The following ACOT11 variants were observed in gnomAD, a reference collection of about 807,000 sequenced individuals.
ACOT11 encodes the protein acyl-CoA thioesterase 11.
In ACOT11, 69 loss-of-function variants were observed where a neutral mutation model predicts 77.5. That is an observed-to-expected ratio of 0.89 (90% CI 0.73 to 1.09). The LOEUF is 1.09. ACOT11 is among the 50% of genes least tolerant of loss of function. The probability of loss-of-function intolerance (pLI) is 0.00; values close to 1 mark genes in which losing one functional copy is unlikely to be tolerated. For synonymous variants in ACOT11, 279 were observed against 313.0 expected (o/e 0.89, Z 1.15); for missense variants, 766 against 813.7 (o/e 0.94, Z 0.71).
intron 15 of ACOT11, among the ~76,000 whole-genome samples, chr1:54,630,478 C>G (rs1005036330): frequency 6.6e-6 from 1 of 152,220 alleles, no homozygotes; most frequent in Non-Finnish European, 1.5e-5. Context: ...CATTCTTAAG[C>G]CACAAACAAA....
intron 1 of ACOT11, among the ~76,000 whole-genome samples, chr1:54,554,515 GC>G (rs1352695384): frequency 7.7e-6 from 1 of 130,638 alleles, no homozygotes; most frequent in East Asian, 2.2e-4. Flanking sequence ...ACTGTGCCCA[GC>G]TAATTTTTTT....
At chr1:54,563,277 G>A (rs1280886227) in intron 1 of ACOT11, among the ~76,000 whole-genome samples, 1 of 152,242 alleles carries the variant, frequency 6.6e-6, no homozygotes, top group African/African-American at 2.4e-5. Flanking sequence ...GTCAGCCACT[G>A]CACCCAGCTT....
At chr1:54,581,936 C>A (rs187510378) in intron 1 of ACOT11, among the ~76,000 whole-genome samples, 2 of 152,260 alleles carry the variant, frequency 1.3e-5, no homozygotes, top group East Asian at 1.9e-4. Context: ...TGCCTTGGAG[C>A]CCAAGGAAGG....
At chr1:54,565,005 T>C (rs78078784) in intron 1 of ACOT11, among the ~76,000 whole-genome samples, 17,077 of 152,148 alleles carry the variant, frequency 0.11, 1,137 homozygotes, top group East Asian at 0.19. Context: ...GAGGGGCCCT[T>C]TCTGAAGAGA....
chr1:54,562,551 C>T (rs1198094941), intron 1 of ACOT11, among the ~76,000 whole-genome samples: 1 of 141,048 alleles, frequency 7.1e-6, no homozygotes, highest in African/African-American at 2.6e-5. Context: ...GCTGACCCAC[C>T]CCCCACCTCC....
chr1:54,600,182 C>T (rs962427377), intron 8 of ACOT11, among the ~76,000 whole-genome samples: 5 of 152,162 alleles, frequency 3.3e-5, no homozygotes, highest in East Asian at 1.9e-4. Context: ...GACTTGCACA[C>T]GTTCTGCCAC....
chr1:54,574,744 C>CT (rs1654045498), intron 1 of ACOT11, among the ~76,000 whole-genome samples: 1 of 152,192 alleles, frequency 6.6e-6, no homozygotes, highest in Admixed American at 6.5e-5. Flanking sequence ...CAAGAACCCA[C>CT]TGTCCACCAG....
chr1:54,608,092 GC>G (rs1644052581), intron 15 of ACOT11, 24 bp downstream of exon 15: 2 of 1,598,060 alleles, frequency 1.3e-6, no homozygotes, highest in East Asian at 2.3e-5. Context: ...CCCCAACCAC[GC>G]CCCCAGCCTG....
chr1:54,616,906 A>G (rs913250345), intron 15 of ACOT11, among the ~76,000 whole-genome samples: 3 of 152,062 alleles, frequency 2.0e-5, no homozygotes, highest in Non-Finnish European at 4.4e-5. Flanking sequence ...TAGTCTTGCT[A>G]TGTTGCCCTG....
At chr1:54,600,442 G>T (rs1643947948) in intron 8 of ACOT11, among the ~76,000 whole-genome samples, 1 of 152,230 alleles carries the variant, frequency 6.6e-6, no homozygotes, top group African/African-American at 2.4e-5. Flanking sequence ...CAGCACTTTG[G>T]GAGGCCGAGG....
intron 1 of ACOT11, among the ~76,000 whole-genome samples, chr1:54,559,274 A>G (rs1476681231): frequency 1.3e-5 from 2 of 152,096 alleles, no homozygotes; most frequent in African/African-American, 4.8e-5. Context: ...CTGACAGTGT[A>G]GATTCAGGGC....
chr1:54,604,988 T>C (rs1194381178), intron 12 of ACOT11, 88 bp from the exon 13 acceptor site: 2 of 1,413,760 alleles, frequency 1.4e-6, no homozygotes, highest in Non-Finnish European at 1.9e-6. Flanking sequence ...AAGTCAGCTG[T>C]AGCCCTGAGC....
intron 1 of ACOT11, among the ~76,000 whole-genome samples, chr1:54,556,558 C>A (rs979132258): frequency 6.6e-6 from 1 of 151,842 alleles, no homozygotes; most frequent in East Asian, 1.9e-4. Flanking sequence ...CAATTTCTTT[C>A]ATTAATGATT....
intron 1 of ACOT11, among the ~76,000 whole-genome samples, chr1:54,581,617 G>A (rs1052824074): frequency 6.6e-6 from 1 of 152,140 alleles, no homozygotes; most frequent in Non-Finnish European, 1.5e-5. Context: ...CAGGGCCTGG[G>A]GCCAGCACTT....
intron 5 of ACOT11, 41 bp downstream of exon 5, chr1:54,594,080 C>CA: frequency 1.3e-6 from 2 of 1,556,990 alleles, no homozygotes; most frequent in Non-Finnish European, 1.8e-6. Flanking sequence ...TGCTCAGTGA[C>CA]CTGGGCACCT....
intron 3 of ACOT11, among the ~76,000 whole-genome samples, chr1:54,591,047 A>G (rs1654695162): frequency 6.6e-6 from 1 of 152,130 alleles, no homozygotes; most frequent in Non-Finnish European, 1.5e-5. Context: ...CATAATATAT[A>G]CACTTTCTCT....
intron 15 of ACOT11, among the ~76,000 whole-genome samples, chr1:54,608,294 G>C (rs1644056820): frequency 6.6e-6 from 1 of 152,196 alleles, no homozygotes; most frequent in African/African-American, 2.4e-5. Flanking sequence ...TCTGGGTGCT[G>C]AAGGCAGAAG....
In ACOT11 at chr1:54,548,245, G is replaced by A. The variant is rs943000658; in HGVS notation, c.-65G>A. The A allele has an allele frequency of 1.3e-6, 2 of 1,557,270 alleles. No homozygotes were observed. Among genetic ancestry groups the A allele is most frequent in the Admixed American group, 3.8e-5 (2 of 52,282 alleles). On this transcript the variant is annotated 5_prime_UTR_variant, in exon 1 of 16. Coordinates refer to ENST00000343744, the MANE Select transcript of ACOT11 (RefSeq NM_147161.4). ...CAGGCTTCATTTGGAGTCAGGCCTG[G>A]CTGTTGCTCAGGTGACCAGCTTGTG...
chr1:54,567,812 C>T (rs1653787568), intron 1 of ACOT11, among the ~76,000 whole-genome samples: 1 of 152,190 alleles, frequency 6.6e-6, no homozygotes, highest in African/African-American at 2.4e-5. Flanking sequence ...GCCCAGCCAG[C>T]CCTCTCCCCT....
Sources: gnomAD v4.1 joint callset for allele counts (sites outside exome capture counted in the v4.1 genomes callset) on GRCh38, gnomAD v4.1.1 for gene constraint, MANE v1.5 for transcripts, NCBI Gene and HGNC (gene_info 2026-07-23, HGNC 2026-07-21) for gene names.